The following UBE2L6 variants were observed in gnomAD, a reference collection of about 807,000 sequenced individuals.
UBE2L6 encodes the protein ubiquitin/ISG15-conjugating enzyme E2 L6.
A neutral mutation model predicts 13.6 loss-of-function variants in UBE2L6; 11 were observed. That is an observed-to-expected ratio of 0.81 (90% CI 0.51 to 1.34). The LOEUF is 1.34. UBE2L6 is among the 40% of genes most tolerant of loss of function. The probability of loss-of-function intolerance (pLI) is 0.00; values close to 1 mark genes in which losing one functional copy is unlikely to be tolerated. For missense variants in UBE2L6, 197 were observed against 199.5 expected (o/e 0.99, Z 0.07); for synonymous variants, 74 against 83.2 (o/e 0.89, Z 0.60).
intron 1 of UBE2L6, chr11:57,566,903 G>C (rs571866470): frequency 1.2e-5 from 5 of 433,410 alleles, no homozygotes; most frequent in Non-Finnish European, 2.3e-5. Flanking sequence ...GTCCCTGATA[G>C]GAACAAAATT....
intron 1 of UBE2L6, chr11:57,566,943 G>GACCCC: frequency 1.3e-5 from 1 of 75,880 alleles, no homozygotes. Flanking sequence ...GTTCATCTCT[G>GACCCC]CCCGCCCCCC....
chr11:57,554,642 G>T lies in UBE2L6; in HGVS notation c.124-19C>A, dbSNP rs780766534. ...GTTGGTCCTGTGCAGAGAGAAAAGGGGTCAAGCTCCAGTCTGGTTTTCCTC... is the reference window on the plus strand; with the variant it reads ...GTTGGTCCTGTGCAGAGAGAAAAGGTGTCAAGCTCCAGTCTGGTTTTCCTC... On this transcript the variant is annotated intron_variant, in intron 2 of 3. Transcript: ENST00000287156. 4 of 1,613,212 alleles carry T rather than the reference G, an allele frequency of 2.5e-6. No individual in the cohort carries two copies. The African/African-American group carries it at 5.3e-5, about 22-fold the overall frequency.
intron 1 of UBE2L6, among the ~76,000 whole-genome samples, chr11:57,561,438 G>A (rs565242339): frequency 8.5e-4 from 130 of 152,272 alleles, no homozygotes; most frequent in African/African-American, 2.9e-3. Flanking sequence ...AGTAATGGAC[G>A]AAACATGGAT....
At chr11:57,566,230 C>T (rs1176279832) in intron 1 of UBE2L6, among the ~76,000 whole-genome samples, 1 of 152,158 alleles carries the variant, frequency 6.6e-6, no homozygotes, top group Non-Finnish European at 1.5e-5. Flanking sequence ...CCAGAACTTT[C>T]CCAAAGCCTG....
intron 1 of UBE2L6, among the ~76,000 whole-genome samples, chr11:57,564,126 C>T (rs568152932): frequency 4.6e-5 from 7 of 152,090 alleles, no homozygotes; most frequent in Non-Finnish European, 1.0e-4. Context: ...GCAGACTTAA[C>T]CCAAAGAAGA....
chr11:57,566,943 G>GCCCCCCCCCCCCCC, intron 1 of UBE2L6: 1 of 75,880 alleles, frequency 1.3e-5, no homozygotes, highest in Non-Finnish European at 2.7e-5. Context: ...GTTCATCTCT[G>GCCCCCCCCCCCCCC]CCCGCCCCCC....
intron 1 of UBE2L6, among the ~76,000 whole-genome samples, chr11:57,564,390 TAAAG>T (rs1350490681): frequency 2.0e-5 from 3 of 152,018 alleles, no homozygotes; most frequent in Non-Finnish European, 4.4e-5. Flanking sequence ...GAAGGAGAAA[TAAAG>T]ACTTTCCCAG....
intron 2 of UBE2L6, among the ~76,000 whole-genome samples, chr11:57,559,481 C>G (rs1451017336): frequency 3.9e-5 from 6 of 152,064 alleles, no homozygotes; most frequent in African/African-American, 1.4e-4. Flanking sequence ...CATAGTGGCA[C>G]GTGCCTGTAG....
At position 57,554,763 on chromosome 11, in the gene UBE2L6, C is replaced by A. The variant is rs1448017084; in HGVS notation, c.124-140G>T. ...ACACACAGCACCTGCATTCATTTGA[C>A]AATTGAGTCATGGATTAGTGAAAAT... On this transcript the variant is annotated intron_variant, in intron 2 of 3. Coordinates refer to ENST00000287156, the MANE Select transcript of UBE2L6 (RefSeq NM_004223.5). 3.4e-6 allele frequency: 3 copies of A among 891,396 alleles called. No individual in the cohort carries two copies. In the Admixed American group the frequency reaches 8.6e-5, roughly 26 times the overall value. 55.2% of individuals were successfully genotyped at this position (891,396 alleles called of 1,614,324 possible).
At chr11:57,559,165 C>G (rs774713977) in intron 2 of UBE2L6, among the ~76,000 whole-genome samples, 1 of 152,238 alleles carries the variant, frequency 6.6e-6, no homozygotes, top group Non-Finnish European at 1.5e-5. Context: ...TGTCCTCACT[C>G]TAAGCCAGGT....
In UBE2L6 at chr11:57,560,551, G is replaced by A. The variant is rs375392572; in HGVS notation, c.28-119C>T. On this transcript the variant is annotated intron_variant, in intron 1 of 3. Coordinates refer to ENST00000287156, the MANE Select transcript of UBE2L6 (RefSeq NM_004223.5). Reference sequence around the variant, plus strand: ...ACTGGCCATCTTAGGGGCAGAAGCCGGTAAAGTCAGAGCCTACATTTACTG... The same window carrying A: ...ACTGGCCATCTTAGGGGCAGAAGCCAGTAAAGTCAGAGCCTACATTTACTG... 4.6e-4 allele frequency: 320 copies of A among 701,972 alleles called. 12 individuals are homozygous for A. The highest frequency in any genetic ancestry group is 1.7e-3 in the East Asian group (64 of 38,000). 43.5% of individuals were successfully genotyped at this position (701,972 alleles called of 1,614,324 possible).
At chr11:57,553,576 C>T (rs1944974918) in intron 3 of UBE2L6, among the ~76,000 whole-genome samples, 1 of 152,178 alleles carries the variant, frequency 6.6e-6, no homozygotes, top group Non-Finnish European at 1.5e-5. Context: ...CACCTGTAAT[C>T]CCAGCACTCT....
chr11:57,553,246 C>T (rs1944972855), intron 3 of UBE2L6, among the ~76,000 whole-genome samples: 2 of 152,242 alleles, frequency 1.3e-5, no homozygotes, highest in African/African-American at 4.8e-5. Context: ...GTAATCCCAC[C>T]ACTTTGGGAG....
intron 1 of UBE2L6, among the ~76,000 whole-genome samples, chr11:57,565,210 C>T (rs1225613428): frequency 6.6e-6 from 1 of 151,418 alleles, no homozygotes; most frequent in African/African-American, 2.4e-5. Context: ...CCATTGCACT[C>T]CAGCCTGGGC....
At chr11:57,566,943 G>GGCCCCCCCCC in intron 1 of UBE2L6, 1 of 75,880 alleles carries the variant, frequency 1.3e-5, no homozygotes. Flanking sequence ...GTTCATCTCT[G>GGCCCCCCCCC]CCCGCCCCCC....
At chr11:57,566,079 A>C (rs1945089233) in intron 1 of UBE2L6, among the ~76,000 whole-genome samples, 1 of 152,138 alleles carries the variant, frequency 6.6e-6, no homozygotes, top group Admixed American at 6.6e-5. Flanking sequence ...AAGCATCTGC[A>C]CTTGTAAGAG....
intron 1 of UBE2L6, among the ~76,000 whole-genome samples, chr11:57,564,405 A>G (rs1945069704): frequency 6.6e-6 from 1 of 152,256 alleles, no homozygotes; most frequent in African/African-American, 2.4e-5. Flanking sequence ...ACTTTCCCAG[A>G]CAAACAAAAG....
chr11:57,556,739 T>C (rs374910741), intron 2 of UBE2L6, among the ~76,000 whole-genome samples: 43 of 151,626 alleles, frequency 2.8e-4, no homozygotes, highest in South Asian at 1.0e-3. Flanking sequence ...CAGAGCAGGA[T>C]GGGAGGGTGC....
intron 1 of UBE2L6, among the ~76,000 whole-genome samples, chr11:57,563,640 C>A (rs1160443308): frequency 3.3e-5 from 5 of 150,666 alleles, no homozygotes; most frequent in African/African-American, 1.2e-4. Flanking sequence ...AAAGAATAAA[C>A]AAAGACTTTG....
Sources: allele counts gnomAD v4.1 joint callset (sites outside exome capture counted in the v4.1 genomes callset), GRCh38; gene constraint gnomAD v4.1.1; transcripts MANE v1.5; gene names NCBI Gene and HGNC (gene_info 2026-07-23, HGNC 2026-07-21).